The following R3HDM1 variants were observed in gnomAD, a reference collection of about 807,000 sequenced individuals.
R3HDM1 encodes the protein R3H domain containing 1, also known as R3H domain-containing protein 1.
In R3HDM1, 46 loss-of-function variants were observed where a neutral mutation model predicts 141.1. The observed-to-expected ratio is 0.33, with a 90% CI of 0.26 to 0.42. The LOEUF (loss-of-function observed/expected upper bound fraction) is 0.42, where lower values mean the gene tolerates loss of function less well. R3HDM1 is among the 10% of genes least tolerant of loss of function. R3HDM1 has a pLI of 1.00. For missense variants in R3HDM1, 1,184 were observed against 1,368.3 expected (o/e 0.87, Z 2.12); for synonymous variants, 435 against 472.9 (o/e 0.92, Z 1.04).
chr2:135,630,305 A>T (rs1021089735), intron 7 of R3HDM1, among the ~76,000 whole-genome samples: 1 of 147,202 alleles, frequency 6.8e-6, no homozygotes, highest in Non-Finnish European at 1.5e-5. Context: ...AAAAAAAAAA[A>T]AAACAAAAAA....
intron 21 of R3HDM1, among the ~76,000 whole-genome samples, chr2:135,682,858 G>C (rs891251329): frequency 1.3e-5 from 2 of 152,046 alleles, no homozygotes; most frequent in South Asian, 4.2e-4. Context: ...TTAGCCAGGC[G>C]TGGTGGCGAG....
At chr2:135,654,598 G>A (rs766053350) in intron 18 of R3HDM1, among the ~76,000 whole-genome samples, 36 of 152,018 alleles carry the variant, frequency 2.4e-4, no homozygotes, top group Non-Finnish European at 4.9e-4. Flanking sequence ...ACAGGCGTGA[G>A]CCACCATGCC....
intron 19 of R3HDM1, chr2:135,667,887 T>A: frequency 2.2e-6 from 1 of 461,180 alleles, no homozygotes. Context: ...CAATGCCACT[T>A]CTCTAGGTGT....
At chr2:135,577,877 C>T (rs991262150) in intron 1 of R3HDM1, among the ~76,000 whole-genome samples, 12 of 149,794 alleles carry the variant, frequency 8.0e-5, no homozygotes, top group African/African-American at 2.7e-4. Flanking sequence ...AGCACTTAGA[C>T]GCCATTTCTC....
At position 135,724,662 on chromosome 2, in the gene R3HDM1, T is replaced by G. The variant is rs989219990; in HGVS notation, c.*370T>G. The G allele has an allele frequency of 6.1e-6, 1 of 164,512 alleles. No individual in the cohort carries two copies. The highest frequency in any genetic ancestry group is 1.3e-5 in the Non-Finnish European group (1 of 76,094). 10.2% of individuals were successfully genotyped at this position (164,512 alleles called of 1,614,324 possible). A position where few individuals can be genotyped will look rare whatever the true frequency, so the allele number is the denominator to read the frequency against. ...ATAACCAGTTGCACCCTGTATTTCT[T>G]TTTGCAGCCAGCACAATGTGACCCA... On this transcript the variant is annotated 3_prime_UTR_variant, in exon 27 of 27. Transcript: ENST00000683871.
chr2:135,566,405 A>T (rs1228856681), intron 1 of R3HDM1, among the ~76,000 whole-genome samples: 2 of 152,214 alleles, frequency 1.3e-5, no homozygotes, highest in African/African-American at 4.8e-5. Context: ...AGGGAGTAAG[A>T]GTGATACTGC....
intron 1 of R3HDM1, among the ~76,000 whole-genome samples, chr2:135,598,624 T>A (rs1237326082): frequency 1.3e-5 from 2 of 151,146 alleles, no homozygotes; most frequent in African/African-American, 2.4e-5. Context: ...ATTACTTGAT[T>A]TTTCTATCTG....
intron 1 of R3HDM1, among the ~76,000 whole-genome samples, chr2:135,546,719 T>A (rs1698766306): frequency 2.0e-5 from 3 of 152,316 alleles, no homozygotes; most frequent in South Asian, 2.1e-4. Context: ...ATGGTTACGC[T>A]GGAGTGCAGT....
At chr2:135,674,962 G>A (rs560095931) in intron 19 of R3HDM1, among the ~76,000 whole-genome samples, 3 of 150,648 alleles carry the variant, frequency 2.0e-5, no homozygotes, top group African/African-American at 7.3e-5. Context: ...TTAACAAAGG[G>A]CCCTACATAT....
chr2:135,677,954 TCC>T (rs1054778280), intron 20 of R3HDM1, among the ~76,000 whole-genome samples: 6 of 151,486 alleles, frequency 4.0e-5, no homozygotes, highest in African/African-American at 9.7e-5. Flanking sequence ...TCTCTCCCCC[TCC>T]CTCCCTCCTT....
intron 7 of R3HDM1, 79 bp from the exon 8 acceptor site, chr2:135,631,639 T>TATAA: frequency 8.2e-7 from 1 of 1,223,164 alleles, no homozygotes; most frequent in Non-Finnish European, 1.1e-6. Context: ...AATTTAGCTG[T>TATAA]ATAAATCATA....
intron 18 of R3HDM1, chr2:135,656,497 G>A (rs890836862): frequency 2.8e-4 from 42 of 150,990 alleles, no homozygotes; most frequent in East Asian, 9.7e-4. Context: ...AATGCTTTAC[G>A]AATTTCCGTG....
intron 23 of R3HDM1, among the ~76,000 whole-genome samples, chr2:135,715,278 G>A (rs1480110177): frequency 6.6e-6 from 1 of 152,054 alleles, no homozygotes; most frequent in Non-Finnish European, 1.5e-5. Context: ...AGGCTGAGGC[G>A]GGAGAATGGC....
At chr2:135,533,386 TAA>T (rs1002042028) in intron 1 of R3HDM1, among the ~76,000 whole-genome samples, 12 of 152,210 alleles carry the variant, frequency 7.9e-5, no homozygotes, top group African/African-American at 2.9e-4. Context: ...TTCCAGAACT[TAA>T]GAGTTAATTG....
chr2:135,701,688 A>C (rs962427710), intron 21 of R3HDM1, among the ~76,000 whole-genome samples: 5 of 152,200 alleles, frequency 3.3e-5, no homozygotes, highest in Non-Finnish European at 2.9e-5. Flanking sequence ...TATGCTGGGC[A>C]AAGGGATGAT....
intron 1 of R3HDM1, among the ~76,000 whole-genome samples, chr2:135,557,058 A>G (rs543958629): frequency 1.3e-5 from 2 of 152,198 alleles, no homozygotes; most frequent in South Asian, 2.1e-4. Context: ...ATTGAAGAGC[A>G]TAAGATGAAG....
intron 1 of R3HDM1, among the ~76,000 whole-genome samples, chr2:135,572,621 C>T (rs1418079023): frequency 1.9e-4 from 29 of 152,194 alleles, no homozygotes; most frequent in Admixed American, 1.8e-3. Context: ...GCTGGGGAAA[C>T]AGGGTTGTCA....
At chr2:135,584,426 C>T in intron 1 of R3HDM1, 7 of 931,568 alleles carry the variant, frequency 7.5e-6, no homozygotes, top group Non-Finnish European at 9.0e-6. Context: ...CACAGTTCCA[C>T]AACATCATTA....
At chr2:135,553,117 GC>G (rs1318776037) in intron 1 of R3HDM1, among the ~76,000 whole-genome samples, 5 of 152,256 alleles carry the variant, frequency 3.3e-5, no homozygotes, top group African/African-American at 9.6e-5. Flanking sequence ...TGATCTACCT[GC>G]CTTGGCCTCC....
Sources: gnomAD v4.1 joint callset for allele counts (sites outside exome capture counted in the v4.1 genomes callset) on GRCh38, gnomAD v4.1.1 for gene constraint, MANE v1.5 for transcripts, NCBI Gene and HGNC (gene_info 2026-07-23, HGNC 2026-07-21) for gene names.